The following NBPF11 variants were observed in gnomAD, a reference collection of about 807,000 sequenced individuals.
NBPF11 encodes the protein NBPF family member NBPF11.
In NBPF11, 72 loss-of-function variants were observed where a neutral mutation model predicts 93.9. That is an observed-to-expected ratio of 0.77 (90% CI 0.63 to 0.93). The LOEUF (loss-of-function observed/expected upper bound fraction) is 0.93. Among genes scored for constraint, NBPF11 ranks in the 40% least tolerant of loss-of-function variants. NBPF11 has a pLI of 0.00. For missense variants in NBPF11, 705 were observed against 802.2 expected (o/e 0.88, Z 1.46); for synonymous variants, 224 against 304.9 (o/e 0.73, Z 2.76).
intron 10 of NBPF11, among the ~76,000 whole-genome samples, chr1:148,120,254 G>A (rs1437524373): frequency 1.3e-5 from 2 of 152,050 alleles, no homozygotes; most frequent in Non-Finnish European, 2.9e-5. Context: ...TTCTGTGCCT[G>A]TGTCAGAAAT....
At position 148,103,749 on chromosome 1, in the gene NBPF11, C is replaced by T. The variant is rs1274382668; in HGVS notation, c.*147G>A. 16 of 1,611,760 alleles carry T rather than the reference C, an allele frequency of 9.9e-6. No individual in the cohort carries two copies. Among genetic ancestry groups the T allele is most frequent in the South Asian group, 4.4e-5 (4 of 90,986 alleles). ...AAAGTAAAAAACCTATTGTCCATGT[C>T]AAGGGCAAAGCTGATGTGCTGTTCC... On this transcript the variant is annotated 3_prime_UTR_variant, in exon 24 of 24. Transcript: ENST00000682118.
At chr1:148,106,601 T>C (rs2149170564) in intron 20 of NBPF11, among the ~76,000 whole-genome samples, 1 of 141,890 alleles carries the variant, frequency 7.0e-6, no homozygotes, top group East Asian at 2.2e-4. Context: ...GATGCAAGAA[T>C]TTTAGACACT....
rs1228596894 is a variant in NBPF11, at chr1:148,110,498, A to G, written c.1681T>C (p.Trp561Arg). ...GAGAGAGTCGAATAACCTTCATCCC[A>G]GGACTCCTGGGGGACTTCCTCCTCT... Reference protein sequence around the residue: ...SEEEEVPQESWDEGYSTLSIP... With the variant: ...SEEEEVPQESRDEGYSTLSIP... Residue 561 changes from tryptophan (W) to arginine (R), a missense_variant, in exon 16 of 24, where the codon TGG becomes CGG. Trp to Arg is a moderately radical substitution (Grantham distance 101, BLOSUM62 -3). Around this residue, in one of 12 missense-constraint regions of NBPF11, gnomAD observed 8 missense variants for 26.3 expected, o/e 0.30. Transcript: ENST00000682118. The G allele has an allele frequency of 6.3e-7, 1 of 1,587,600 alleles. No homozygotes were observed. Among genetic ancestry groups the G allele is most frequent in the Non-Finnish European group, 8.6e-7 (1 of 1,162,826 alleles).
chr1:148,122,620 G>C, intron 8 of NBPF11, 109 bp downstream of exon 8: 1 of 1,496,312 alleles, frequency 6.7e-7, no homozygotes, highest in East Asian at 2.3e-5. Flanking sequence ...ACATACTGTG[G>C]CCAAGGGAAT....
At chr1:148,104,164 G>C (rs1438446860) in intron 23 of NBPF11, among the ~76,000 whole-genome samples, 82 of 144,896 alleles carry the variant, frequency 5.7e-4, no homozygotes, top group Non-Finnish European at 1.1e-3. Context: ...AAGTGAGCTA[G>C]TGAATTGGCC....
At chr1:148,108,844 C>CACA (rs1157495833) in intron 17 of NBPF11, among the ~76,000 whole-genome samples, 190 bp from the exon 18 acceptor site, 1 of 69,804 alleles carries the variant, frequency 1.4e-5, no homozygotes, top group Non-Finnish European at 2.5e-5. Context: ...AAGAGAAAGA[C>CACA]ACACACACAC....
intron 16 of NBPF11, among the ~76,000 whole-genome samples, chr1:148,110,164 T>C (rs1223308604): frequency 6.6e-6 from 1 of 151,938 alleles, no homozygotes; most frequent in Non-Finnish European, 1.5e-5. Context: ...GGCATGGGCA[T>C]GGCCTGAGAC....
chr1:148,108,090 T>G (rs1426254910), intron 18 of NBPF11, among the ~76,000 whole-genome samples: 1 of 149,964 alleles, frequency 6.7e-6, no homozygotes, highest in African/African-American at 2.5e-5. Flanking sequence ...ACTGCACTAT[T>G]CAGCCCTGTC....
intron 1 of NBPF11, among the ~76,000 whole-genome samples, chr1:148,151,539 A>G (rs1301111869): frequency 3.3e-5 from 5 of 151,972 alleles, no homozygotes; most frequent in African/African-American, 9.7e-5. Flanking sequence ...AGCGCCCACG[A>G]GAGGAGGGCT....
At chr1:148,140,852 C>T (rs1172030819) in intron 2 of NBPF11, among the ~76,000 whole-genome samples, 6 of 151,300 alleles carry the variant, frequency 4.0e-5, no homozygotes, top group East Asian at 1.9e-4. Flanking sequence ...AAATCCTGCA[C>T]GTAAGTACTT....
rs1173253058 is a variant in NBPF11 at position 148,120,646 on chromosome 1, G to T, written c.843C>A (p.Ser281Arg). ...SMVVSAGPLS[S>R]EKAEMNILEI... ...CTAGAATGTTCATCTCTGCCTTCTC[G>T]CTGGACAAAGGGCCGGCTGATACCA... is the stretch of plus-strand genomic sequence containing the variant. Residue 281 changes from serine to arginine, a missense_variant, in exon 10 of 24, where the codon AGC becomes AGA. Around this residue, in one of 12 missense-constraint regions of NBPF11, gnomAD observed 262 missense variants for 223.1 expected, o/e 1.17. Coordinates refer to ENST00000682118, the MANE Select transcript of NBPF11 (RefSeq NM_001385469.3). The T allele has an allele frequency of 1.2e-5, 19 of 1,542,806 alleles. No homozygotes were observed. The East Asian group carries it at 1.6e-4, about 13-fold the overall frequency.
At chr1:148,116,901 T>C (rs1441917401) in intron 12 of NBPF11, among the ~76,000 whole-genome samples, 292 of 152,306 alleles carry the variant, frequency 1.9e-3, no homozygotes, top group Non-Finnish European at 3.5e-3. Context: ...ACCTAATTCT[T>C]TCTCTTAGAA....
intron 15 of NBPF11, among the ~76,000 whole-genome samples, chr1:148,113,262 G>A (rs1447319592): frequency 3.3e-5 from 5 of 151,984 alleles, no homozygotes; most frequent in Middle Eastern, 6.8e-3. Context: ...TCAAAATAAA[G>A]GGATGGAGGA....
At chr1:148,106,150 C>A (rs1292237369) in intron 21 of NBPF11, 31 bp downstream of exon 21, 2 of 772,366 alleles carry the variant, frequency 2.6e-6, no homozygotes, top group South Asian at 1.3e-5. Flanking sequence ...GATGTCAACA[C>A]AGAAGTAGCT....
At chr1:148,109,421 G>A in intron 16 of NBPF11, 86 bp from the exon 17 acceptor site, 2 of 896,788 alleles carry the variant, frequency 2.2e-6, no homozygotes, top group South Asian at 1.3e-5. Flanking sequence ...CCTAACACAG[G>A]GACATCAGTC....
At chr1:148,149,688 C>G (rs1293457256) in intron 1 of NBPF11, 18 of 694,644 alleles carry the variant, frequency 2.6e-5, no homozygotes, top group Non-Finnish European at 3.8e-5. Context: ...CCGCCCCGAC[C>G]CAGGGGCTGT....
At chr1:148,119,687 G>T (rs1438046247) in intron 10 of NBPF11, among the ~76,000 whole-genome samples, 1 of 151,626 alleles carries the variant, frequency 6.6e-6, no homozygotes, top group Non-Finnish European at 1.5e-5. Context: ...TAACAGTCTT[G>T]CCCTGTCACC....
intron 1 of NBPF11, among the ~76,000 whole-genome samples, chr1:148,148,574 C>T (rs1446706999): frequency 2.0e-5 from 3 of 152,026 alleles, no homozygotes; most frequent in African/African-American, 7.3e-5. Context: ...GCCACCTCCG[C>T]AGCCACCACC....
intron 14 of NBPF11, among the ~76,000 whole-genome samples, chr1:148,115,478 G>T (rs1457527681): frequency 6.6e-6 from 1 of 150,952 alleles, no homozygotes; most frequent in Non-Finnish European, 1.5e-5. Flanking sequence ...ATTGTTCAGG[G>T]ACAGATGACT....
Sources: allele counts gnomAD v4.1 joint callset (sites outside exome capture counted in the v4.1 genomes callset), GRCh38; gene constraint gnomAD v4.1.1; regional missense constraint gnomAD v4.1.1; transcripts MANE v1.5; gene names NCBI Gene and HGNC (gene_info 2026-07-23, HGNC 2026-07-21).